AUTS2: variants seen among roughly 807,000 people sequenced by gnomAD.
AUTS2 encodes the protein autism susceptibility gene 2 protein.
In AUTS2, 17 loss-of-function variants were observed where a neutral mutation model predicts 112.4. The observed-to-expected ratio is 0.15, with a 90% confidence interval of 0.10 to 0.23. The LOEUF (loss-of-function observed/expected upper bound fraction) is 0.23, where lower values mean the gene tolerates loss of function less well. AUTS2 is among the 10% of genes least tolerant of loss of function. AUTS2 has a pLI of 1.00. For missense variants in AUTS2, 1,510 were observed against 1,701.6 expected, an observed-to-expected ratio of 0.89 and a Z score of 1.98; for synonymous variants, 751 against 702.7, an observed-to-expected ratio of 1.07 and a Z score of -1.09.
In AUTS2 at chr7:69,599,535, C is replaced by G; in HGVS notation, c.-119C>G. The G allele has an allele frequency of 1.0e-6, 1 of 1,005,002 alleles. No homozygotes were observed. The highest frequency in any genetic ancestry group is 3.5e-5 in the East Asian group (1 of 28,732). 62.3% of individuals were successfully genotyped at this position (1,005,002 alleles called of 1,614,324 possible). On this transcript the variant is annotated 5_prime_UTR_variant, in exon 1 of 19. Coordinates refer to ENST00000342771, the MANE Select transcript of AUTS2 (RefSeq NM_015570.4). This position sits in a 1 kb window ranked among gnomAD's most constrained non-coding sequence, Gnocchi z 7.0. ...TTTCGGCCGCCGTCTCCCCCGCGCC[C>G]TCCTCGGGGCGGAGGGAAGCCGTGA...
At chr7:69,744,607 A>G (rs1205717391) in intron 1 of AUTS2, among the ~76,000 whole-genome samples, 1 of 151,420 alleles carries the variant, frequency 6.6e-6, no homozygotes, top group African/African-American at 2.4e-5. Context: ...CTGAGGTAGG[A>G]GTATTGCTTG....
At chr7:70,012,916 G>A (rs548391329) in intron 2 of AUTS2, among the ~76,000 whole-genome samples, 1 of 152,194 alleles carries the variant, frequency 6.6e-6, no homozygotes. Flanking sequence ...AGAAATAAGT[G>A]CTCATGAATA....
chr7:69,723,285 AACC>A (rs922144052), intron 1 of AUTS2, among the ~76,000 whole-genome samples: 2 of 152,156 alleles, frequency 1.3e-5, no homozygotes, highest in African/African-American at 4.8e-5. Context: ...AAGTTTGAGC[AACC>A]TTACATATTG....
At chr7:69,731,403 C>T (rs1392273410) in intron 1 of AUTS2, among the ~76,000 whole-genome samples, 2 of 152,168 alleles carry the variant, frequency 1.3e-5, no homozygotes, top group African/African-American at 4.8e-5. Flanking sequence ...TTTTAGCTCT[C>T]TAAACTCAGT....
At chr7:70,737,046 C>A (rs753859766) in intron 6 of AUTS2, among the ~76,000 whole-genome samples, 1 of 152,188 alleles carries the variant, frequency 6.6e-6, no homozygotes, top group Non-Finnish European at 1.5e-5. Flanking sequence ...GTGACTAAAA[C>A]GTTACTCATA....
intron 5 of AUTS2, among the ~76,000 whole-genome samples, chr7:70,551,890 C>T (rs762375286): frequency 7.9e-5 from 12 of 152,172 alleles, no homozygotes; most frequent in Non-Finnish European, 1.6e-4. Flanking sequence ...AAAGGGAAAA[C>T]CACCATCACT....
chr7:69,717,879 A>G (rs1488574492), intron 1 of AUTS2, among the ~76,000 whole-genome samples: 1 of 152,096 alleles, frequency 6.6e-6, no homozygotes, highest in Non-Finnish European at 1.5e-5. Flanking sequence ...TACTCATTGG[A>G]TGGGATTATT....
chr7:70,609,539 C>T lies in AUTS2; in HGVS notation c.691-89030C>T, dbSNP rs368171572. On this transcript the variant is annotated intron_variant, in intron 5 of 18. Coordinates refer to ENST00000342771, the MANE Select transcript of AUTS2 (RefSeq NM_015570.4). ...CCTCCCAAGTAGCTGGGACTACAGG[C>T]GCCCACCACCACGCCAAGCTAATTT... 3.3e-5 allele frequency among the ~76,000 whole-genome samples: 5 copies of T among 151,690 alleles called. No individual in the cohort carries two copies. The Middle Eastern group carries it at 0.01, about 310-fold the overall frequency.
At chr7:69,608,213 C>T (rs530621526) in intron 1 of AUTS2, among the ~76,000 whole-genome samples, 20 of 152,298 alleles carry the variant, frequency 1.3e-4, no homozygotes, top group East Asian at 7.7e-4. Flanking sequence ...GGATTACAGA[C>T]GTGAGGCACT....
At chr7:69,930,477 T>G (rs1212530503) in intron 2 of AUTS2, among the ~76,000 whole-genome samples, 1 of 152,190 alleles carries the variant, frequency 6.6e-6, no homozygotes, top group African/African-American at 2.4e-5. Context: ...GTGGGTCAGT[T>G]ATAGGGCTCT....
At chr7:70,026,182 C>T (rs1307151478) in intron 2 of AUTS2, among the ~76,000 whole-genome samples, 1 of 152,174 alleles carries the variant, frequency 6.6e-6, no homozygotes, top group Non-Finnish European at 1.5e-5. Flanking sequence ...GCCAGATATT[C>T]CCTAGAAGGG....
chr7:69,841,292 C>G (rs1472797738), intron 1 of AUTS2, among the ~76,000 whole-genome samples: 1 of 152,114 alleles, frequency 6.6e-6, no homozygotes, highest in Non-Finnish European at 1.5e-5. Flanking sequence ...TGCTCAGCTT[C>G]TAGAAGGAGG....
intron 2 of AUTS2, among the ~76,000 whole-genome samples, chr7:69,949,374 A>G (rs1392655429): frequency 1.3e-5 from 2 of 152,164 alleles, no homozygotes; most frequent in East Asian, 3.9e-4. Flanking sequence ...CATCCCATCC[A>G]GTTCTCACAA....
At chr7:70,329,566 A>AT (rs927501027) in intron 4 of AUTS2, among the ~76,000 whole-genome samples, 9 of 148,256 alleles carry the variant, frequency 6.1e-5, no homozygotes, top group Admixed American at 2.0e-4. Context: ...CCATTTTTAT[A>AT]TTTTTTTTTA....
At chr7:70,363,472 A>G (rs535787738) in intron 4 of AUTS2, among the ~76,000 whole-genome samples, 128 of 151,650 alleles carry the variant, frequency 8.4e-4, no homozygotes, top group Non-Finnish European at 1.3e-3. Flanking sequence ...AAAGAAAAAA[A>G]AAAAAAAAAA....
intron 5 of AUTS2, among the ~76,000 whole-genome samples, chr7:70,573,888 G>A (rs998615667): frequency 2.0e-5 from 3 of 151,884 alleles, no homozygotes; most frequent in African/African-American, 7.3e-5. Flanking sequence ...TACACTCCTG[G>A]TCTTTCTTGC....
At position 69,817,879 on chromosome 7, in the gene AUTS2, G is replaced by A. The variant is rs1790830910; in HGVS notation, c.310-81407G>A. Reference sequence around the variant, plus strand: ...TGCAAAGCTACCTAATAATATCTTTGTGTTTATGGTAATGTTTTTTGCTGA... The same window carrying A: ...TGCAAAGCTACCTAATAATATCTTTATGTTTATGGTAATGTTTTTTGCTGA... On this transcript the variant is annotated intron_variant, in intron 1 of 18. Coordinates refer to ENST00000342771, the MANE Select transcript of AUTS2 (RefSeq NM_015570.4). Among the ~76,000 whole-genome samples the A allele has an allele frequency of 2.6e-5, 4 of 152,180 alleles. No homozygotes were observed. In the South Asian group the frequency reaches 6.2e-4, roughly 24 times the overall value.
intron 2 of AUTS2, among the ~76,000 whole-genome samples, chr7:70,029,037 T>C (rs1800652731): frequency 6.6e-6 from 1 of 152,148 alleles, no homozygotes; most frequent in African/African-American, 2.4e-5. Flanking sequence ...TAGCAGAGAA[T>C]AGGACAGGAG....
At chr7:69,918,277 G>T (rs1280504852) in intron 2 of AUTS2, among the ~76,000 whole-genome samples, 1 of 152,128 alleles carries the variant, frequency 6.6e-6, no homozygotes, top group Non-Finnish European at 1.5e-5. Flanking sequence ...GTTCAAAAAC[G>T]TAAAAAAGAT....
Sources: gnomAD v4.1 joint callset for allele counts (sites outside exome capture counted in the v4.1 genomes callset) on GRCh38, gnomAD v4.1.1 for gene constraint, Gnocchi (gnomAD v3.1) non-coding constraint, MANE v1.5 for transcripts, NCBI Gene and HGNC (gene_info 2026-07-23, HGNC 2026-07-21) for gene names.